Variants in KIF27 observed in about 807,000 individuals in gnomAD.
KIF27 encodes kinesin-like protein KIF27.
Under a neutral mutation model 141.8 loss-of-function variants are expected in KIF27, and 84 were observed. The ratio of observed to expected loss-of-function variants is 0.59; its 90% CI spans 0.50 to 0.71. The LOEUF (loss-of-function observed/expected upper bound fraction) is 0.71, where lower values mean the gene tolerates loss of function less well. Among genes scored for constraint, KIF27 ranks in the 30% least tolerant of loss-of-function variants. The pLI is 0.00. For synonymous variants in KIF27, 471 were observed against 569.5 expected (o/e 0.83, Z 2.46); for missense variants, 1,306 against 1,628.4 (o/e 0.80, Z 3.41).
At chr9:83,861,611 C>T (rs1193455450) in intron 13 of KIF27, among the ~76,000 whole-genome samples, 1 of 152,050 alleles carries the variant, frequency 6.6e-6, no homozygotes, top group African/African-American at 2.4e-5. Context: ...CCAAGTCTTG[C>T]TATTGTGAAT....
At position 83,914,100 on chromosome 9, in the gene KIF27, A is replaced by G. The variant is rs183675045; in HGVS notation, c.298+1194T>C. Among the ~76,000 whole-genome samples the G allele has an allele frequency of 3.2e-3, 475 of 146,382 alleles. 8 individuals are homozygous for G. The highest frequency in any genetic ancestry group is 0.012 in the African/African-American group (453 of 38,958). On this transcript the variant is annotated intron_variant, in intron 2 of 17. Transcript: ENST00000297814. ...TTAAAATAGTACTCATGGTCTCTTA[A>G]TAATAAAAAAAAAAGATAGCTATAA...
chr9:83,876,243 A>T (rs917592492), intron 11 of KIF27, among the ~76,000 whole-genome samples: 1 of 152,092 alleles, frequency 6.6e-6, no homozygotes, highest in Non-Finnish European at 1.5e-5. Context: ...ACTTTTCCAT[A>T]GCTGCAATTA....
chr9:83,839,266 A>G (rs1457721397), intron 17 of KIF27, among the ~76,000 whole-genome samples: 1 of 152,170 alleles, frequency 6.6e-6, no homozygotes, highest in Non-Finnish European at 1.5e-5. Context: ...GTTGAGGCTC[A>G]CTCCAAAGCC....
At chr9:83,899,867 A>G in intron 4 of KIF27, 63 bp from the exon 5 acceptor site, 1 of 1,404,752 alleles carries the variant, frequency 7.1e-7, no homozygotes, top group Non-Finnish European at 9.7e-7. Flanking sequence ...ACCCCATATG[A>G]TAACACAAAA....
Position 83,887,071 on chromosome 9 carries a change from C to T in KIF27, c.2209G>A (p.Glu737Lys). 6.3e-7 allele frequency: 1 copy of T among 1,597,260 alleles called. No homozygotes were observed. The highest frequency in any genetic ancestry group is 8.5e-7 in the Non-Finnish European group (1 of 1,174,572). Residue 737 changes from glutamate (E) to lysine (K), a missense_variant, in exon 9 of 18, where the codon GAA becomes AAA. Around this residue, in one of 4 missense-constraint regions of KIF27, gnomAD observed 596 missense variants for 751.6 expected, o/e 0.79. Transcript: ENST00000297814. The stretch of plus-strand genomic sequence containing the variant: ...TTTATTAATTCTTTAATCAGATCTT[C>T]CTTCATCTTGATGTTAATTGTAAGT... ...RELTINIKMK[E>K]DLIKELIKTG...
intron 9 of KIF27, among the ~76,000 whole-genome samples, chr9:83,886,352 C>T (rs1233751977): frequency 2.0e-5 from 3 of 152,058 alleles, no homozygotes; most frequent in South Asian, 2.1e-4. Flanking sequence ...ACAGAGAAGA[C>T]CCTTTTCTTG....
At chr9:83,908,795 T>C (rs1400662000) in intron 2 of KIF27, 143 bp from the exon 3 acceptor site, 2 of 435,656 alleles carry the variant, frequency 4.6e-6, no homozygotes, top group Non-Finnish European at 7.8e-6. Flanking sequence ...AGTCTTGCTC[T>C]GTTGCCCAGG....
chr9:83,880,087 G>A, intron 11 of KIF27: 1 of 613,624 alleles, frequency 1.6e-6, no homozygotes, highest in South Asian at 2.6e-5. Context: ...CTTCTTTTGT[G>A]AAGTCAAAGC....
chr9:83,850,178 T>C lies in KIF27; in HGVS notation c.3477A>G (p.Lys1159=). 6.2e-7 allele frequency: 1 copy of C among 1,613,638 alleles called. No homozygotes were observed. The highest frequency in any genetic ancestry group is 8.5e-7 in the Non-Finnish European group (1 of 1,179,554). The part of the protein sequence containing the change: ...RELESALDHL[K]LQCDRRLTLQ... ...GGGTCAGTCTCCGGTCACACTGCAA[T>C]TTTAGATGGTCCAGTGCAGATTCTA... Residue 1159 remains lysine (K), a synonymous_variant, in exon 16 of 18, where the codon AAA becomes AAG. Transcript: ENST00000297814.
Position 83,905,899 on chromosome 9 carries a change from T to C in KIF27, c.500-1881A>G, listed in dbSNP as rs117480133. On this transcript the variant is annotated intron_variant, in intron 3 of 17. Coordinates refer to ENST00000297814, the MANE Select transcript of KIF27 (RefSeq NM_017576.4). ...ATTCTAAAGAAATATGTCAAACAAATGCACTTTACTTGTAAGTGGGACATT... is the reference window on the plus strand; with the variant it reads ...ATTCTAAAGAAATATGTCAAACAAACGCACTTTACTTGTAAGTGGGACATT... 8.0e-3 allele frequency among the ~76,000 whole-genome samples: 1,215 copies of C among 152,322 alleles called. 32 individuals are homozygous for C. Among genetic ancestry groups the C allele is most frequent in the East Asian group, 0.037 (190 of 5,190 alleles).
chr9:83,885,663 G>C (rs546256219), intron 9 of KIF27, among the ~76,000 whole-genome samples: 3 of 152,044 alleles, frequency 2.0e-5, no homozygotes, highest in African/African-American at 7.2e-5. Context: ...AGACGGTCTT[G>C]CTCTGTCACC....
chr9:83,890,914 A>G (rs1348076119), intron 6 of KIF27, among the ~76,000 whole-genome samples: 3 of 152,248 alleles, frequency 2.0e-5, no homozygotes, highest in Non-Finnish European at 2.9e-5. Context: ...CAGCATATAA[A>G]TATTATTTCA....
intron 16 of KIF27, among the ~76,000 whole-genome samples, chr9:83,846,457 T>C (rs7856614): frequency 0.15 from 23,144 of 152,174 alleles, 1,929 homozygotes; most frequent in African/African-American, 0.21. Context: ...TGGTCATTCA[T>C]GGGATGAAGG....
At chr9:83,904,093 A>C in intron 3 of KIF27, 75 bp from the exon 4 acceptor site, 1 of 1,172,908 alleles carries the variant, frequency 8.5e-7, no homozygotes, top group South Asian at 1.5e-5. Flanking sequence ...ACCATTTGCT[A>C]AACAGCCTGG....
In KIF27 at chr9:83,908,439, T is replaced by C. The variant is rs967743485; in HGVS notation, c.499+13A>G. On this transcript the variant is annotated intron_variant, in intron 3 of 17. Coordinates refer to ENST00000297814, the MANE Select transcript of KIF27 (RefSeq NM_017576.4). ...TTGCTAATGAAGGCAACTGATTAAGTGTGCTACTTTACCTGTGTTTCCTTT... is the reference window on the plus strand; with the variant it reads ...TTGCTAATGAAGGCAACTGATTAAGCGTGCTACTTTACCTGTGTTTCCTTT... 29 of 1,553,588 alleles carry C rather than the reference T, an allele frequency of 1.9e-5. 1 individual carries two copies. In the Admixed American group the frequency reaches 5.0e-4, roughly 27 times the overall value.
intron 11 of KIF27, among the ~76,000 whole-genome samples, chr9:83,874,906 C>G (rs1231873815): frequency 7.0e-6 from 1 of 143,434 alleles, no homozygotes; most frequent in Non-Finnish European, 1.5e-5. Context: ...TGCACTCAAG[C>G]CTGGATGACA....
intron 10 of KIF27, among the ~76,000 whole-genome samples, chr9:83,882,227 T>C (rs1161166496): frequency 6.6e-5 from 10 of 152,048 alleles, no homozygotes; most frequent in Non-Finnish European, 1.3e-4. Flanking sequence ...GCGGGTGTGG[T>C]GGCAGGCACC....
Position 83,891,350 on chromosome 9 carries a change from A to C in KIF27, c.1754T>G (p.Phe585Cys), listed in dbSNP as rs749034071. The C allele has an allele frequency of 6.2e-6, 10 of 1,613,602 alleles. No individual in the cohort carries two copies. The highest frequency in any genetic ancestry group is 1.7e-6 in the Non-Finnish European group (2 of 1,179,712). The change falls in exon 6 of 18, where the codon TTT (phenylalanine) becomes TGT (cysteine). Residue 585 changes from phenylalanine to cysteine, a missense_variant. Around this residue, in one of 4 missense-constraint regions of KIF27, gnomAD observed 596 missense variants for 751.6 expected, o/e 0.79. Coordinates refer to ENST00000297814, the MANE Select transcript of KIF27 (RefSeq NM_017576.4). ...IPERRPYTVP[F>C]DTHLGHYIYI... ...AATATAATGCCCCAAATGAGTATCA[A>C]ATGGTACAGTATATGGTCTCCTTTC...
intron 17 of KIF27, among the ~76,000 whole-genome samples, chr9:83,840,194 G>A (rs1245494101): frequency 1.3e-5 from 2 of 152,114 alleles, no homozygotes; most frequent in African/African-American, 4.8e-5. Context: ...GGCAAAATAT[G>A]AAAAGAATTA....
Sources: allele counts gnomAD v4.1 joint callset (sites outside exome capture counted in the v4.1 genomes callset), GRCh38; gene constraint gnomAD v4.1.1; regional missense constraint gnomAD v4.1.1; transcripts MANE v1.5; gene names NCBI Gene and HGNC (gene_info 2026-07-23, HGNC 2026-07-21).